The following GALNTL6 variants were observed in gnomAD, a reference collection of about 807,000 sequenced individuals.
GALNTL6 encodes the protein polypeptide N-acetylgalactosaminyltransferase like 6.
GALNTL6 carries 46 observed loss-of-function variants against 73.7 expected under a neutral mutation model. That is an observed-to-expected ratio of 0.62 (90% CI 0.49 to 0.80). GALNTL6 has a LOEUF of 0.80. Among genes scored for constraint, GALNTL6 ranks in the 30% least tolerant of loss-of-function variants. The pLI is 0.00. For synonymous variants in GALNTL6, 259 were observed against 263.7 expected (o/e 0.98, Z 0.17); for missense variants, 604 against 755.0 (o/e 0.80, Z 2.34).
At chr4:172,633,044 C>T (rs1413384235) in intron 5 of GALNTL6, among the ~76,000 whole-genome samples, 2 of 152,200 alleles carry the variant, frequency 1.3e-5, no homozygotes, top group Non-Finnish European at 2.9e-5. Context: ...CCTGGATGTC[C>T]AGGCAGATGT....
chr4:172,478,778 A>C (rs1162054631), intron 5 of GALNTL6, among the ~76,000 whole-genome samples: 1 of 152,230 alleles, frequency 6.6e-6, no homozygotes, highest in Non-Finnish European at 1.5e-5. Flanking sequence ...TAATATCCAG[A>C]ACCTATAAGG....
intron 5 of GALNTL6, among the ~76,000 whole-genome samples, chr4:172,781,155 T>C (rs1445494410): frequency 6.6e-6 from 1 of 152,204 alleles, no homozygotes; most frequent in Non-Finnish European, 1.5e-5. Context: ...CACTATGTTA[T>C]AGCAACAGGA....
intron 3 of GALNTL6, among the ~76,000 whole-genome samples, chr4:172,249,370 A>G (rs1423028484): frequency 6.6e-6 from 1 of 152,214 alleles, no homozygotes; most frequent in African/African-American, 2.4e-5. Flanking sequence ...GAGGAAGCAG[A>G]GCATTCAAGT....
At chr4:172,016,513 C>T (rs907308651) in intron 2 of GALNTL6, among the ~76,000 whole-genome samples, 1 of 151,860 alleles carries the variant, frequency 6.6e-6, no homozygotes, top group Admixed American at 6.6e-5. Context: ...TTTCACCTTT[C>T]TCTGGTATCT....
At chr4:172,360,056 T>A (rs1168492952) in intron 5 of GALNTL6, among the ~76,000 whole-genome samples, 2 of 152,246 alleles carry the variant, frequency 1.3e-5, no homozygotes, top group Non-Finnish European at 2.9e-5. Flanking sequence ...ACTGCCCTGC[T>A]GACTTACTTA....
chr4:172,668,809 G>C (rs918818589), intron 5 of GALNTL6: 2 of 152,096 alleles, frequency 1.3e-5, no homozygotes, highest in Non-Finnish European at 2.9e-5. Flanking sequence ...GGTCCAAAGA[G>C]AAGTAAAAAT....
At chr4:171,836,698 C>T (rs1735104096) in intron 2 of GALNTL6, among the ~76,000 whole-genome samples, 1 of 152,076 alleles carries the variant, frequency 6.6e-6, no homozygotes, top group Non-Finnish European at 1.5e-5. Context: ...TCAACTTTTT[C>T]AGTCTTCTTT....
Position 172,070,012 on chromosome 4 carries a change from G to A in GALNTL6, c.139-159644G>A, listed in dbSNP as rs1381269191. 1.8e-5 allele frequency among the ~76,000 whole-genome samples: 2 copies of A among 108,396 alleles called. 1 individual carries two copies. Among genetic ancestry groups the A allele is most frequent in the Non-Finnish European group, 4.1e-5 (2 of 48,942 alleles). 71.1% of individuals were successfully genotyped at this position (108,396 alleles called of 152,430 possible). A position where few individuals can be genotyped will look rare whatever the true frequency, so the allele number is the denominator to read the frequency against. ...GTATTCTCAATGGGTTGCCTCTCTGGCCTCTTCGATAAGGTAGTATAGGAA... is the reference window on the plus strand; with the variant it reads ...GTATTCTCAATGGGTTGCCTCTCTGACCTCTTCGATAAGGTAGTATAGGAA... On this transcript the variant is annotated intron_variant, in intron 2 of 12. Transcript: ENST00000506823.
intron 2 of GALNTL6, among the ~76,000 whole-genome samples, chr4:171,896,497 T>C (rs1736921180): frequency 2.6e-5 from 4 of 152,218 alleles, no homozygotes; most frequent in African/African-American, 9.6e-5. Flanking sequence ...ATGACAACAA[T>C]TTATTTCTCA....
chr4:172,834,336 G>A (rs1235565004), intron 7 of GALNTL6, among the ~76,000 whole-genome samples: 1 of 152,174 alleles, frequency 6.6e-6, no homozygotes, highest in African/African-American at 2.4e-5. Flanking sequence ...GAGAGAAGGT[G>A]TCTGCCCTAT....
At chr4:172,548,993 TTTG>T (rs1259904576) in intron 5 of GALNTL6, among the ~76,000 whole-genome samples, 33 of 152,188 alleles carry the variant, frequency 2.2e-4, no homozygotes, top group African/African-American at 7.7e-4. Context: ...TTTTGTTTTG[TTTG>T]TTATTTATAT....
rs142742746 is a variant in GALNTL6, at chr4:171,909,688, G to A, written c.138+94970G>A. On this transcript the variant is annotated intron_variant, in intron 2 of 12. Coordinates refer to ENST00000506823, the MANE Select transcript of GALNTL6 (RefSeq NM_001034845.3). ...AGACTTTTGAAAATGAAGAAGAATAGGAAGTCTAGCAATTAGAAACAAATC... is the reference window on the plus strand; with the variant it reads ...AGACTTTTGAAAATGAAGAAGAATAAGAAGTCTAGCAATTAGAAACAAATC... Among the ~76,000 whole-genome samples the A allele has an allele frequency of 2.4e-4, 36 of 152,222 alleles. No individual in the cohort carries two copies. The East Asian group carries it at 5.0e-3, about 21-fold the overall frequency.
intron 10 of GALNTL6, among the ~76,000 whole-genome samples, chr4:172,956,136 G>A (rs1435412080): frequency 6.6e-6 from 1 of 151,962 alleles, no homozygotes; most frequent in Non-Finnish European, 1.5e-5. Flanking sequence ...AAAATTTTTG[G>A]GGGGTGGTAT....
rs150511032 is a variant in GALNTL6, at chr4:172,486,110, T to G, written c.553+137421T>G. On this transcript the variant is annotated intron_variant, in intron 5 of 12. Coordinates refer to ENST00000506823, the MANE Select transcript of GALNTL6 (RefSeq NM_001034845.3). Reference sequence around the variant, plus strand: ...ATATGATGTGCGCTGGAGATTTTAGTCTAATAGTAGACACTGAAATATTTT... The same window carrying G: ...ATATGATGTGCGCTGGAGATTTTAGGCTAATAGTAGACACTGAAATATTTT... Among the ~76,000 whole-genome samples the G allele has an allele frequency of 2.4e-4, 36 of 152,222 alleles. 1 individual carries two copies. Among genetic ancestry groups the G allele is most frequent in the Non-Finnish European group, 5.1e-4 (35 of 68,028 alleles).
intron 2 of GALNTL6, among the ~76,000 whole-genome samples, chr4:172,101,692 T>G (rs562308419): frequency 6.6e-6 from 1 of 152,272 alleles, no homozygotes. Flanking sequence ...CTTTGAATAT[T>G]TTGAGATTTT....
intron 5 of GALNTL6, among the ~76,000 whole-genome samples, chr4:172,775,034 T>G (rs2110877574): frequency 6.6e-6 from 1 of 151,428 alleles, no homozygotes; most frequent in South Asian, 2.1e-4. Context: ...GGGGACATAA[T>G]CAGAGATTGT....
At chr4:172,659,027 A>T (rs954712844) in intron 5 of GALNTL6, among the ~76,000 whole-genome samples, 15 of 152,214 alleles carry the variant, frequency 9.9e-5, no homozygotes, top group African/African-American at 3.6e-4. Flanking sequence ...GCCAGATCTT[A>T]TTGTAAGCAG....
At chr4:172,913,751 C>G (rs1682529664) in intron 8 of GALNTL6, among the ~76,000 whole-genome samples, 1 of 152,036 alleles carries the variant, frequency 6.6e-6, no homozygotes, top group Non-Finnish European at 1.5e-5. Flanking sequence ...GTGAAAAGAC[C>G]AAATCTACAT....
At chr4:171,938,758 G>C (rs1738430584) in intron 2 of GALNTL6, among the ~76,000 whole-genome samples, 1 of 152,120 alleles carries the variant, frequency 6.6e-6, no homozygotes, top group Admixed American at 6.6e-5. Flanking sequence ...AGAAGCATTA[G>C]AATTTCCTAT....
Sources: allele counts gnomAD v4.1 joint callset (sites outside exome capture counted in the v4.1 genomes callset), GRCh38; gene constraint gnomAD v4.1.1; transcripts MANE v1.5; gene names NCBI Gene and HGNC (gene_info 2026-07-23, HGNC 2026-07-21).